The following NCOA1 variants were observed in gnomAD, a reference collection of about 807,000 sequenced individuals.
NCOA1 encodes Hin-2 protein.
NCOA1 carries 35 observed loss-of-function variants against 150.9 expected under a neutral mutation model. That is an observed-to-expected ratio of 0.23 (90% CI 0.18 to 0.31). The LOEUF is 0.31. Ranked by LOEUF, NCOA1 falls within the 10% of genes least tolerant of loss-of-function variation. The pLI is 1.00. For synonymous variants in NCOA1, 590 were observed against 630.0 expected (o/e 0.94, Z 0.95); for missense variants, 1,491 against 1,749.3 (o/e 0.85, Z 2.63).
At chr2:24,602,616 A>G (rs1364685236) in intron 3 of NCOA1, among the ~76,000 whole-genome samples, 6 of 152,252 alleles carry the variant, frequency 3.9e-5, no homozygotes, top group African/African-American at 1.2e-4. Flanking sequence ...TGGCTAATAA[A>G]TAAGTAAGGT....
At chr2:24,664,029 T>A (rs1241752685) in intron 5 of NCOA1, among the ~76,000 whole-genome samples, 2 of 152,216 alleles carry the variant, frequency 1.3e-5, no homozygotes, top group Non-Finnish European at 2.9e-5. Context: ...ACTACATATA[T>A]CTTATATCAA....
In NCOA1 at chr2:24,697,728, G is replaced by A. The variant is rs1294083295; in HGVS notation, c.879G>A (p.Arg293=). Residue 293 remains arginine, a synonymous_variant, in exon 11 of 23, where the codon AGG becomes AGA. Coordinates refer to ENST00000348332, the MANE Select transcript of NCOA1 (RefSeq NM_003743.5). ...AGRTGWEDLV[R]KCIYAFFQPQ... is the part of the protein sequence containing the mutation. Reference sequence around the variant, plus strand: ...GAACTGGTTGGGAAGATTTAGTGAGGAAGTGCATTTATGCTTTTTTCCAAC... The same window carrying A: ...GAACTGGTTGGGAAGATTTAGTGAGAAAGTGCATTTATGCTTTTTTCCAAC... The A allele has an allele frequency of 4.3e-6, 7 of 1,613,622 alleles. No individual in the cohort carries two copies. The highest frequency in any genetic ancestry group is 1.7e-5 in the Admixed American group (1 of 60,014).
At chr2:24,614,231 T>TTTTTTTTTTTTG (rs1668771754) in intron 3 of NCOA1, among the ~76,000 whole-genome samples, 3 of 122,786 alleles carry the variant, frequency 2.4e-5, no homozygotes, top group East Asian at 2.5e-4. Context: ...TTTTTTTTTT[T>TTTTTTTTTTTTG]GCTATGGGGT....
intron 3 of NCOA1, among the ~76,000 whole-genome samples, chr2:24,626,731 A>G (rs1669428014): frequency 6.6e-6 from 1 of 152,214 alleles, no homozygotes; most frequent in Non-Finnish European, 1.5e-5. Flanking sequence ...TTTTCATTGC[A>G]TGCATACTAT....
At chr2:24,681,169 A>G (rs748313771) in intron 7 of NCOA1, among the ~76,000 whole-genome samples, 1 of 151,922 alleles carries the variant, frequency 6.6e-6, no homozygotes, top group Non-Finnish European at 1.5e-5. Flanking sequence ...TTTAAGACCA[A>G]CCTGGCCAAC....
chr2:24,681,741 G>A (rs1221350081), intron 7 of NCOA1, among the ~76,000 whole-genome samples: 2 of 150,320 alleles, frequency 1.3e-5, no homozygotes, highest in Non-Finnish European at 3.0e-5. Flanking sequence ...GAGTCTTGGA[G>A]TCTTGCTCTG....
chr2:24,706,012 G>A (rs539960268), intron 12 of NCOA1, among the ~76,000 whole-genome samples: 1 of 150,988 alleles, frequency 6.6e-6, no homozygotes, highest in Admixed American at 6.6e-5. Context: ...TTTTCATATT[G>A]TGATTTCTCT....
At chr2:24,681,717 T>G (rs1672184185) in intron 7 of NCOA1, among the ~76,000 whole-genome samples, 1 of 152,038 alleles carries the variant, frequency 6.6e-6, no homozygotes, top group African/African-American at 2.4e-5. Context: ...GGCCTTTTTT[T>G]TTTTTTTGAG....
At position 24,706,873 on chromosome 2, in the gene NCOA1, C is replaced by T. The variant is rs758519243; in HGVS notation, c.1403C>T (p.Ser468Phe). Residue 468 changes from serine to phenylalanine, a missense_variant, in exon 13 of 23, where the codon TCT becomes TTT. Transcript: ENST00000348332. ...GCCAGTTCACAGAGCAGTAATCCCT[C>T]TTTAAACCTCAATAATTCTCCTATG... ...GQASSQSSNP[S>F]LNLNNSPMEG... 20 of 1,614,090 alleles carry T rather than the reference C, an allele frequency of 1.2e-5. No individual in the cohort carries two copies. The highest frequency in any genetic ancestry group is 1.7e-5 in the Non-Finnish European group (20 of 1,180,040).
chr2:24,503,262 G>T (rs1184230492), intron 1 of NCOA1, among the ~76,000 whole-genome samples: 1 of 152,158 alleles, frequency 6.6e-6, no homozygotes, highest in East Asian at 1.9e-4. Context: ...AACATAAGAA[G>T]TTGGCTGTAA....
At chr2:24,731,037 CAAAAAA>C (rs202108180) in intron 17 of NCOA1, among the ~76,000 whole-genome samples, 1 of 61,478 alleles carries the variant, frequency 1.6e-5, no homozygotes. Flanking sequence ...GACTCTGTCT[CAAAAAA>C]AAAAAAAAAA....
chr2:24,731,037 CAAA>C (rs202108180), intron 17 of NCOA1, among the ~76,000 whole-genome samples: 113 of 61,464 alleles, frequency 1.8e-3, no homozygotes, highest in African/African-American at 6.3e-3. Flanking sequence ...GACTCTGTCT[CAAA>C]AAAAAAAAAA....
intron 1 of NCOA1, among the ~76,000 whole-genome samples, chr2:24,563,604 A>G (rs964875050): frequency 2.0e-5 from 3 of 151,720 alleles, no homozygotes; most frequent in African/African-American, 7.3e-5. Context: ...TGCAGTCTCA[A>G]CCTCTTGGGC....
rs549386611 is a variant in NCOA1, at chr2:24,559,644, GC to G, written c.-395-4648del. On this transcript the variant is annotated intron_variant, in intron 1 of 22. Transcript: ENST00000348332. ...TCCTGCCTTCTCTTTCTTGTGGCCTGCCCTTTCTTCCATGTTTTGTGGTAGG... is the reference window on the plus strand; with the variant it reads ...TCCTGCCTTCTCTTTCTTGTGGCCTGCCTTTCTTCCATGTTTTGTGGTAGG... Among the ~76,000 whole-genome samples the G allele has an allele frequency of 1.5e-3, 230 of 152,190 alleles. 2 individuals carry two copies. Among genetic ancestry groups the G allele is most frequent in the Middle Eastern group, 3.4e-3 (1 of 294 alleles).
At chr2:24,695,726 G>T (rs1221063485) in intron 10 of NCOA1, among the ~76,000 whole-genome samples, 1 of 152,152 alleles carries the variant, frequency 6.6e-6, no homozygotes, top group Non-Finnish European at 1.5e-5. Context: ...TAGTTGGTTG[G>T]TTAAACTTTC....
intron 11 of NCOA1, 29 bp downstream of exon 11, chr2:24,697,827 T>C: frequency 6.3e-7 from 1 of 1,590,924 alleles, no homozygotes; most frequent in Non-Finnish European, 8.6e-7. Flanking sequence ...ATTATTTTCA[T>C]TAACCCTTAT....
At chr2:24,700,141 C>T (rs547628869) in intron 11 of NCOA1, among the ~76,000 whole-genome samples, 3 of 123,070 alleles carry the variant, frequency 2.4e-5, no homozygotes, top group African/African-American at 3.1e-5. Context: ...GAAACTTCAT[C>T]GCTAATAATA....
chr2:24,498,031 T>G (rs1663298523), intron 1 of NCOA1, among the ~76,000 whole-genome samples: 1 of 152,258 alleles, frequency 6.6e-6, no homozygotes, highest in South Asian at 2.1e-4. Context: ...TGAATGTATG[T>G]ATGTATATAA....
intron 1 of NCOA1, among the ~76,000 whole-genome samples, chr2:24,537,282 G>A (rs1047100989): frequency 6.8e-6 from 1 of 147,830 alleles, no homozygotes; most frequent in Non-Finnish European, 1.5e-5. Context: ...ACACAAACAC[G>A]AAAATTATAT....
Sources: allele counts gnomAD v4.1 joint callset (sites outside exome capture counted in the v4.1 genomes callset), GRCh38; gene constraint gnomAD v4.1.1; transcripts MANE v1.5; gene names NCBI Gene and HGNC (gene_info 2026-07-23, HGNC 2026-07-21).